GPBP1: variants seen among roughly 807,000 people sequenced by gnomAD.
GPBP1 encodes the protein vasculin.
A neutral mutation model predicts 56.5 loss-of-function variants in GPBP1; 13 were observed. The observed-to-expected ratio is 0.23, with a 90% CI of 0.15 to 0.37. The LOEUF is 0.37. Ranked by LOEUF, GPBP1 falls within the 10% of genes least tolerant of loss-of-function variation. The pLI is 1.00. For missense variants in GPBP1, 477 were observed against 572.3 expected, an observed-to-expected ratio of 0.83 and a Z score of 1.70; for synonymous variants, 204 against 188.9, an observed-to-expected ratio of 1.08 and a Z score of -0.66.
Position 57,263,777 on chromosome 5 carries a change from CTG to C in GPBP1, c.*1027_*1028del, listed in dbSNP as rs1742004051. 6.6e-6 allele frequency: 1 copy of C among 152,086 alleles called. No homozygotes were observed. Among genetic ancestry groups the C allele is most frequent in the Non-Finnish European group, 1.5e-5 (1 of 67,998 alleles). The allele number at this position is 152,086 out of a possible 1,614,324, so 9.4% of individuals were successfully genotyped here. A position where few individuals can be genotyped will look rare whatever the true frequency, so the allele number is the denominator to read the frequency against. The stretch of plus-strand genomic sequence containing the variant: ...ATACACAAGCTTATTAAATGAATGA[CTG>C]TTAACTACTTTATTTTCATTTGCAC... On this transcript the variant is annotated 3_prime_UTR_variant, in exon 12 of 12. Transcript: ENST00000506184.
At chr5:57,206,539 C>G (rs73127763) in intron 2 of GPBP1, among the ~76,000 whole-genome samples, 4,703 of 152,256 alleles carry the variant, frequency 0.031, 255 homozygotes, top group African/African-American at 0.11. Context: ...ACTGGGATTA[C>G]AGGCACCTAC....
Position 57,230,977 on chromosome 5 carries a change from T to A in GPBP1, c.187+8T>A. On this transcript the variant is annotated splice_region_variant and intron_variant, in intron 4 of 11. Transcript: ENST00000506184. ...TTGGGCGTCCTAATGGAGGTAAAAT[T>A]TGCTAAGGAATGATGTTTATGGCTA... 13 of 1,590,226 alleles carry A rather than the reference T, an allele frequency of 8.2e-6. No homozygotes were observed. The highest frequency in any genetic ancestry group is 1.1e-5 in the Non-Finnish European group (13 of 1,171,766).
chr5:57,189,311 G>T (rs1027118139), intron 2 of GPBP1, among the ~76,000 whole-genome samples: 1 of 152,212 alleles, frequency 6.6e-6, no homozygotes, highest in African/African-American at 2.4e-5. Context: ...TAGAGACGGG[G>T]CTTTGTCATG....
chr5:57,222,955 T>G (rs910641403), intron 3 of GPBP1, among the ~76,000 whole-genome samples: 3 of 152,174 alleles, frequency 2.0e-5, no homozygotes, highest in Admixed American at 2.0e-4. Context: ...TGTTAGAAAT[T>G]TTATCTCAGA....
intron 6 of GPBP1, chr5:57,236,931 C>G: frequency 1.8e-6 from 1 of 554,804 alleles, no homozygotes; most frequent in East Asian, 2.8e-5. Flanking sequence ...TTTGCCACTT[C>G]CTGTGCTATA....
intron 2 of GPBP1, among the ~76,000 whole-genome samples, chr5:57,211,720 A>G (rs1755489325): frequency 6.6e-6 from 1 of 151,514 alleles, no homozygotes; most frequent in South Asian, 2.1e-4. Flanking sequence ...AGTAGCTGGG[A>G]TTACAGGCAT....
chr5:57,209,446 G>A (rs1276978058), intron 2 of GPBP1, among the ~76,000 whole-genome samples: 1 of 152,156 alleles, frequency 6.6e-6, no homozygotes, highest in African/African-American at 2.4e-5. Context: ...GACTACAGGT[G>A]CTTTGCACTG....
chr5:57,229,358 A>G (rs1292114889), intron 3 of GPBP1, among the ~76,000 whole-genome samples: 1 of 150,114 alleles, frequency 6.7e-6, no homozygotes, highest in Non-Finnish European at 1.5e-5. Context: ...CATTTTGATT[A>G]CAAGAGAACC....
chr5:57,199,370 G>A (rs6886859), intron 2 of GPBP1, among the ~76,000 whole-genome samples: 112 of 152,174 alleles, frequency 7.4e-4, no homozygotes, highest in African/African-American at 2.3e-3. Flanking sequence ...AGGGATGGGC[G>A]GAACCTGATG....
intron 2 of GPBP1, among the ~76,000 whole-genome samples, chr5:57,205,940 A>AT (rs1755214100): frequency 6.6e-6 from 1 of 151,850 alleles, no homozygotes; most frequent in Non-Finnish European, 1.5e-5. Context: ...AGTTTTAAAC[A>AT]TTTTTTTGTA....
intron 3 of GPBP1, among the ~76,000 whole-genome samples, chr5:57,219,269 G>A (rs1400336942): frequency 3.3e-5 from 5 of 150,006 alleles, no homozygotes; most frequent in African/African-American, 7.4e-5. Context: ...CCAGCTACTC[G>A]GGAGGCTGAG....
intron 2 of GPBP1, among the ~76,000 whole-genome samples, chr5:57,207,971 T>A (rs187147104): frequency 6.6e-6 from 1 of 152,132 alleles, no homozygotes; most frequent in East Asian, 1.9e-4. Context: ...CTCTGCCTAC[T>A]AGAGTCTCTG....
intron 2 of GPBP1, among the ~76,000 whole-genome samples, chr5:57,205,808 G>C (rs1276746987): frequency 6.6e-6 from 1 of 151,876 alleles, no homozygotes; most frequent in Non-Finnish European, 1.5e-5. Flanking sequence ...CTGCTACTCA[G>C]GCTATAGTGC....
chr5:57,205,100 C>G (rs1755174133), intron 2 of GPBP1, among the ~76,000 whole-genome samples: 1 of 152,172 alleles, frequency 6.6e-6, no homozygotes, highest in African/African-American at 2.4e-5. Context: ...TCTAAGCAGT[C>G]ACCCGCATTC....
At position 57,175,449 on chromosome 5, in the gene GPBP1, T is replaced by G; in HGVS notation, c.-1009T>G. Reference sequence around the variant, plus strand: ...TAATTTTTTTTATAACTTTTACAGGTGATTGAATTACTCAGATATGAAGAT... The same window carrying G: ...TAATTTTTTTTATAACTTTTACAGGGGATTGAATTACTCAGATATGAAGAT... On this transcript the variant is annotated splice_region_variant and 5_prime_UTR_variant, in exon 2 of 12. Coordinates refer to ENST00000506184, the MANE Select transcript of GPBP1 (RefSeq NM_022913.4). 2.5e-6 allele frequency: 1 copy of G among 398,548 alleles called. No homozygotes were observed. Among genetic ancestry groups the G allele is most frequent in the Non-Finnish European group, 4.4e-6 (1 of 226,030 alleles). 24.7% of individuals were successfully genotyped at this position (398,548 alleles called of 1,614,324 possible).
chr5:57,204,661 C>G (rs1011473678), intron 2 of GPBP1, among the ~76,000 whole-genome samples: 2 of 152,130 alleles, frequency 1.3e-5, no homozygotes, highest in African/African-American at 4.8e-5. Flanking sequence ...TGTTTAGATT[C>G]AGGTTATTTA....
chr5:57,184,785 G>A (rs1330044607), intron 2 of GPBP1, among the ~76,000 whole-genome samples: 3 of 152,086 alleles, frequency 2.0e-5, no homozygotes, highest in East Asian at 1.9e-4. Context: ...ACCCATCATC[G>A]TCAGTCCCTG....
At chr5:57,185,009 A>G (rs966029130) in intron 2 of GPBP1, among the ~76,000 whole-genome samples, 3 of 152,186 alleles carry the variant, frequency 2.0e-5, no homozygotes, top group African/African-American at 4.8e-5. Context: ...TTATACCACA[A>G]TTTGTTTATC....
chr5:57,214,215 TTCTG>T, intron 3 of GPBP1, 22 bp downstream of exon 3: 2 of 1,528,596 alleles, frequency 1.3e-6, no homozygotes, highest in Non-Finnish European at 1.8e-6. Flanking sequence ...GCATCTTTCT[TTCTG>T]TCTGCTTCTC....
Sources: allele counts gnomAD v4.1 joint callset (sites outside exome capture counted in the v4.1 genomes callset), GRCh38; gene constraint gnomAD v4.1.1; transcripts MANE v1.5; gene names NCBI Gene and HGNC (gene_info 2026-07-23, HGNC 2026-07-21).